Variants in ENPP2 observed in about 807,000 individuals in gnomAD.
ENPP2 encodes autotaxin.
Under a neutral mutation model 120.2 loss-of-function variants are expected in ENPP2, and 51 were observed. That is an observed-to-expected ratio of 0.42 (90% CI 0.34 to 0.54). ENPP2 has a LOEUF of 0.54. Ranked by LOEUF, ENPP2 falls within the 20% of genes least tolerant of loss-of-function variation. The probability of loss-of-function intolerance (pLI) is 0.04; values close to 1 mark genes in which losing one functional copy is unlikely to be tolerated. For synonymous variants in ENPP2, 365 were observed against 366.4 expected (o/e 1.00, Z 0.04); for missense variants, 920 against 1,066.5 (o/e 0.86, Z 1.91).
In ENPP2 at chr8:119,590,696, A is replaced by G. The variant is rs532357810; in HGVS notation, c.1082-66T>C. 307 of 1,139,466 alleles carry G rather than the reference A, an allele frequency of 2.7e-4. No individual in the cohort carries two copies. The African/African-American group carries it at 4.5e-3, about 17-fold the overall frequency. 70.6% of individuals were successfully genotyped at this position (1,139,466 alleles called of 1,614,324 possible). ...AAACGAAAATCTTAACATAGACACG[A>G]AAGATAACATCCAGGCATCTCTTTA... On this transcript the variant is annotated intron_variant, in intron 12 of 24. Coordinates refer to ENST00000075322, the MANE Select transcript of ENPP2 (RefSeq NM_001040092.3).
chr8:119,582,056 C>T (rs966336274), intron 18 of ENPP2, among the ~76,000 whole-genome samples: 5 of 152,140 alleles, frequency 3.3e-5, no homozygotes, highest in Non-Finnish European at 7.4e-5. Context: ...AAAACCTCTT[C>T]TATATGGGCC....
intron 8 of ENPP2, among the ~76,000 whole-genome samples, chr8:119,609,509 G>C (rs1012093114): frequency 4.6e-5 from 7 of 152,112 alleles, no homozygotes. Context: ...TTAGTCCAAA[G>C]CTCTTTCTAT....
At chr8:119,630,014 A>C (rs973369530) in intron 2 of ENPP2, among the ~76,000 whole-genome samples, 11 of 152,180 alleles carry the variant, frequency 7.2e-5, no homozygotes, top group Non-Finnish European at 1.3e-4. Context: ...ATCTAAAGGC[A>C]ATTTGTTTAC....
intron 11 of ENPP2, chr8:119,595,802 T>G: frequency 6.2e-7 from 1 of 1,605,664 alleles, no homozygotes. Flanking sequence ...AACCTTCAAC[T>G]CAGACCTGCC....
intron 19 of ENPP2, among the ~76,000 whole-genome samples, chr8:119,579,910 C>T (rs1383377509): frequency 2.0e-5 from 3 of 152,002 alleles, no homozygotes; most frequent in South Asian, 4.1e-4. Flanking sequence ...GGGAGAAAAG[C>T]TATTGGAATT....
At chr8:119,626,246 C>T (rs1488065212) in intron 3 of ENPP2, among the ~76,000 whole-genome samples, 6 of 152,080 alleles carry the variant, frequency 3.9e-5, no homozygotes, top group Non-Finnish European at 1.5e-5. Context: ...CCCACAAGCC[C>T]TAGCAGTGAA....
chr8:119,578,164 C>T (rs553885993), intron 19 of ENPP2, among the ~76,000 whole-genome samples: 2 of 152,300 alleles, frequency 1.3e-5, no homozygotes, highest in South Asian at 4.1e-4. Flanking sequence ...AATTCTCCTG[C>T]CTCAGTCTCC....
chr8:119,596,414 T>G (rs1397413995), intron 11 of ENPP2, among the ~76,000 whole-genome samples: 1 of 152,204 alleles, frequency 6.6e-6, no homozygotes, highest in African/African-American at 2.4e-5. Flanking sequence ...TACTAGCCAC[T>G]TGGTCATTTC....
At chr8:119,659,334 A>AAAC (rs1554627520) in intron 1 of ENPP2, among the ~76,000 whole-genome samples, 6 of 130,740 alleles carry the variant, frequency 4.6e-5, no homozygotes, top group African/African-American at 1.6e-4. Flanking sequence ...AAAAAAAAAA[A>AAAC]AAACCAGAGT....
At chr8:119,604,080 T>G (rs1291861188) in intron 9 of ENPP2, among the ~76,000 whole-genome samples, 1 of 149,378 alleles carries the variant, frequency 6.7e-6, no homozygotes, top group East Asian at 2.0e-4. Flanking sequence ...TAGGCTGGAG[T>G]GCAGTGACAC....
intron 13 of ENPP2, among the ~76,000 whole-genome samples, chr8:119,590,159 T>C (rs970557081): frequency 3.9e-5 from 6 of 152,238 alleles, no homozygotes; most frequent in Non-Finnish European, 8.8e-5. Flanking sequence ...GAAAAAATTC[T>C]TATCTTATAA....
chr8:119,575,742 C>G (rs1185596426), intron 19 of ENPP2, among the ~76,000 whole-genome samples: 1 of 152,138 alleles, frequency 6.6e-6, no homozygotes, highest in Non-Finnish European at 1.5e-5. Flanking sequence ...TTAGTTTTAA[C>G]CCAAAGTAAC....
chr8:119,572,880 AGAG>A (rs1244757329), intron 19 of ENPP2: 2 of 152,418 alleles, frequency 1.3e-5, no homozygotes, highest in Non-Finnish European at 2.9e-5. Context: ...ATGGGAATGC[AGAG>A]GATGATGAAT....
In ENPP2 at chr8:119,630,917, G is replaced by A. The variant is rs549088153; in HGVS notation, c.137-4197C>T. ...TTTTCTTTTTTTTCTTTTCTGAGACGGAGTTTTGCTCTTGTCACCCAGGCT... is the reference window on the plus strand; with the variant it reads ...TTTTCTTTTTTTTCTTTTCTGAGACAGAGTTTTGCTCTTGTCACCCAGGCT... On this transcript the variant is annotated intron_variant, in intron 2 of 24. Coordinates refer to ENST00000075322, the MANE Select transcript of ENPP2 (RefSeq NM_001040092.3). Among the ~76,000 whole-genome samples, 7 of 150,716 alleles carry A rather than the reference G, an allele frequency of 4.6e-5. No homozygotes were observed. In the South Asian group the frequency reaches 1.5e-3, roughly 32 times the overall value.
intron 2 of ENPP2, among the ~76,000 whole-genome samples, chr8:119,634,148 A>G (rs1022511297): frequency 2.6e-5 from 4 of 152,032 alleles, no homozygotes; most frequent in Admixed American, 2.6e-4. Flanking sequence ...ACGCCACTGC[A>G]CTCCAGTCTG....
intron 19 of ENPP2, chr8:119,573,247 A>C (rs1815176418): frequency 6.6e-6 from 1 of 151,926 alleles, no homozygotes; most frequent in African/African-American, 2.4e-5. Context: ...TCTCTACTAA[A>C]AATACAAAAA....
intron 23 of ENPP2, 138 bp downstream of exon 23, chr8:119,564,685 T>A (rs13252720): frequency 0.6 from 162,469 of 272,752 alleles, 45,620 homozygotes; most frequent in African/African-American, 0.68. Context: ...CTCAAAAAAA[T>A]ATATATATAT....
Position 119,617,150 on chromosome 8 carries a change from G to T in ENPP2, c.657+14C>A. The stretch of plus-strand genomic sequence containing the variant: ...TCAGCCCTTTGAATGTGTATCATTC[G>T]AAAAAATACTTACAGTGGCCAAAGT... On this transcript the variant is annotated intron_variant, in intron 7 of 24. Transcript: ENST00000075322. 6.4e-7 allele frequency: 1 copy of T among 1,565,288 alleles called. No homozygotes were observed. The highest frequency in any genetic ancestry group is 8.8e-7 in the Non-Finnish European group (1 of 1,135,800).
At chr8:119,647,683 A>G (rs1170255199) in intron 1 of ENPP2, among the ~76,000 whole-genome samples, 1 of 152,150 alleles carries the variant, frequency 6.6e-6, no homozygotes, top group African/African-American at 2.4e-5. Context: ...AGCAGGGGAA[A>G]AAAGCAATGT....
Sources: allele counts gnomAD v4.1 joint callset (sites outside exome capture counted in the v4.1 genomes callset), GRCh38; gene constraint gnomAD v4.1.1; transcripts MANE v1.5; gene names NCBI Gene and HGNC (gene_info 2026-07-23, HGNC 2026-07-21).